ANAPC1: variants seen among roughly 807,000 people sequenced by gnomAD.
ANAPC1 encodes the protein anaphase promoting complex subunit 1, also known as anaphase-promoting complex subunit 1.
ANAPC1 carries 36 observed loss-of-function variants against 208.0 expected under a neutral mutation model. That is an observed-to-expected ratio of 0.17 (90% CI 0.13 to 0.23). The LOEUF (loss-of-function observed/expected upper bound fraction) is 0.23, where lower values mean the gene tolerates loss of function less well. ANAPC1 is among the 10% of genes least tolerant of loss of function. The pLI is 1.00. For synonymous variants in ANAPC1, 378 were observed against 695.2 expected (o/e 0.54, Z 7.18); for missense variants, 942 against 2,011.6 (o/e 0.47, Z 10.17).
intron 17 of ANAPC1, among the ~76,000 whole-genome samples, chr2:111,841,850 A>G (rs557696939): frequency 6.6e-6 from 1 of 152,334 alleles, no homozygotes; most frequent in South Asian, 2.1e-4. Flanking sequence ...ATTTTGAAAA[A>G]AACATTCCCA....
chr2:111,834,519 G>GTCCC, intron 19 of ANAPC1, 85 bp downstream of exon 19: 1 of 902,874 alleles, frequency 1.1e-6, no homozygotes, highest in Admixed American at 4.2e-5. Flanking sequence ...TATTTACAAG[G>GTCCC]TCCCTATATG....
At chr2:111,834,027 G>C (rs184594138) in intron 19 of ANAPC1, among the ~76,000 whole-genome samples, 2 of 152,266 alleles carry the variant, frequency 1.3e-5, no homozygotes, top group East Asian at 3.9e-4. Flanking sequence ...CTCTTGAAAG[G>C]TGTTGAAACG....
intron 26 of ANAPC1, chr2:111,819,284 C>T (rs1679391470): frequency 9.2e-6 from 9 of 982,512 alleles, no homozygotes; most frequent in South Asian, 4.7e-5. Flanking sequence ...CCGATGGATG[C>T]TAACCTTCTC....
At chr2:111,861,086 T>C (rs1164409290) in intron 10 of ANAPC1, among the ~76,000 whole-genome samples, 15 of 152,130 alleles carry the variant, frequency 9.9e-5, no homozygotes, top group Non-Finnish European at 2.1e-4. Flanking sequence ...AGCCTCCTTT[T>C]TTTCTTTTTC....
At chr2:111,825,083 T>C (rs756665952) in intron 23 of ANAPC1, 47 bp from the exon 24 acceptor site, 1 of 1,613,898 alleles carries the variant, frequency 6.2e-7, no homozygotes, top group Admixed American at 1.7e-5. Flanking sequence ...CAGTAAATAA[T>C]ATTGTTTTAA....
At chr2:111,873,437 T>C (rs373202542) in intron 4 of ANAPC1, 29 bp from the exon 5 acceptor site, 157 of 1,598,574 alleles carry the variant, frequency 9.8e-5, no homozygotes, top group Middle Eastern at 1.7e-4. Context: ...ACAAGACTTA[T>C]GTGTTTTTTC....
chr2:111,827,724 C>G (rs536645874), intron 21 of ANAPC1, among the ~76,000 whole-genome samples: 29 of 151,858 alleles, frequency 1.9e-4, no homozygotes, highest in Admixed American at 3.3e-4. Flanking sequence ...CCACTGCACT[C>G]CAGCCTGGGT....
intron 17 of ANAPC1, among the ~76,000 whole-genome samples, chr2:111,841,294 A>C (rs1383177074): frequency 6.6e-6 from 1 of 152,112 alleles, no homozygotes; most frequent in African/African-American, 2.4e-5. Flanking sequence ...TAGAATTTAC[A>C]TTCCAGTTGG....
intron 3 of ANAPC1, among the ~76,000 whole-genome samples, chr2:111,875,678 C>A (rs1321732158): frequency 3.9e-5 from 6 of 152,164 alleles, no homozygotes; most frequent in Non-Finnish European, 7.3e-5. Context: ...CCTTGGCAGG[C>A]TCCCTTCAGC....
intron 28 of ANAPC1, among the ~76,000 whole-genome samples, chr2:111,813,213 T>C (rs1220673725): frequency 9.9e-6 from 1 of 100,964 alleles, no homozygotes; most frequent in Non-Finnish European, 2.3e-5. Flanking sequence ...CCTCCCCTCC[T>C]CCCTTAGCAC....
At chr2:111,860,811 G>T (rs997845580) in intron 10 of ANAPC1, among the ~76,000 whole-genome samples, 11 of 151,750 alleles carry the variant, frequency 7.2e-5, no homozygotes, top group South Asian at 6.2e-4. Flanking sequence ...TAACTATTTG[G>T]AGGCCACAAA....
intron 17 of ANAPC1, 58 bp downstream of exon 17, chr2:111,843,353 AT>A: frequency 6.4e-7 from 1 of 1,567,410 alleles, no homozygotes; most frequent in Non-Finnish European, 8.8e-7. Flanking sequence ...TATATTACCA[AT>A]TATGCAACCA....
At chr2:111,778,377 T>A (rs1382587325) in intron 45 of ANAPC1, among the ~76,000 whole-genome samples, 1 of 149,488 alleles carries the variant, frequency 6.7e-6, no homozygotes, top group East Asian at 2.0e-4. Flanking sequence ...GAGGCAAAAA[T>A]AAGATGGGAG....
intron 3 of ANAPC1, among the ~76,000 whole-genome samples, chr2:111,874,037 C>A (rs1023450514): frequency 2.0e-5 from 3 of 152,210 alleles, no homozygotes; most frequent in African/African-American, 7.2e-5. Context: ...CTCTACAAAA[C>A]TAAAGATTAT....
chr2:111,878,429 T>C (rs1317078583), intron 3 of ANAPC1, among the ~76,000 whole-genome samples: 2 of 152,206 alleles, frequency 1.3e-5, no homozygotes, highest in Non-Finnish European at 2.9e-5. Flanking sequence ...TTCCTTTCTC[T>C]CTACCATTAT....
chr2:111,846,876 T>C (rs1195089384), intron 16 of ANAPC1, among the ~76,000 whole-genome samples: 6 of 151,892 alleles, frequency 4.0e-5, no homozygotes, highest in Admixed American at 3.9e-4. Context: ...AGCAGGCATG[T>C]CCATATATTA....
At chr2:111,855,606 C>T (rs934759216) in intron 13 of ANAPC1, among the ~76,000 whole-genome samples, 23 of 152,048 alleles carry the variant, frequency 1.5e-4, no homozygotes, top group African/African-American at 2.9e-4. Flanking sequence ...ATATCAGAGG[C>T]GAGTACATGG....
chr2:111,861,844 C>T (rs1004840108), intron 10 of ANAPC1, among the ~76,000 whole-genome samples: 1 of 121,670 alleles, frequency 8.2e-6, no homozygotes, highest in African/African-American at 2.9e-5. Context: ...GAACAAAAAA[C>T]ACCCGAAAAA....
At position 111,868,075 on chromosome 2, in the gene ANAPC1, GA is replaced by G. The variant is rs1682534430; in HGVS notation, c.632del (p.Phe211SerfsTer7). The G allele has an allele frequency of 6.3e-7, 1 of 1,595,350 alleles. No homozygotes were observed. ...GSPREPLPTM[F>X]SMLHPLDEIT... Reference sequence around the variant, plus strand: ...TTTCATCTAGTGGGTGCAGCATGCTGAACATAGTAGGTAAAGGTTCTCTAGC... The same window carrying G: ...TTTCATCTAGTGGGTGCAGCATGCTGACATAGTAGGTAAAGGTTCTCTAGC... On this transcript the variant is annotated frameshift_variant, in exon 7 of 48. Transcript: ENST00000341068. LOFTEE classifies it high-confidence loss of function.
Sources: allele counts gnomAD v4.1 joint callset (sites outside exome capture counted in the v4.1 genomes callset), GRCh38; gene constraint gnomAD v4.1.1; transcripts MANE v1.5; gene names NCBI Gene and HGNC (gene_info 2026-07-23, HGNC 2026-07-21).